Variants in GLRA2 observed in about 807,000 individuals in gnomAD.
GLRA2 encodes the protein glycine receptor subunit alpha-2.
GLRA2 carries 11 observed loss-of-function variants against 31.6 expected under a neutral mutation model. The ratio of observed to expected loss-of-function variants is 0.35; its 90% confidence interval spans 0.22 to 0.58. GLRA2 has a LOEUF of 0.58. GLRA2 is among the 20% of genes least tolerant of loss of function. The pLI is 0.84. For missense variants in GLRA2, 212 were observed against 351.8 expected, an observed-to-expected ratio of 0.60 and a Z score of 3.18; for synonymous variants, 132 against 134.0, an observed-to-expected ratio of 0.99 and a Z score of 0.10.
the GLRA2 span, among the ~76,000 whole-genome samples, chrX:14,455,439 TAAG>T: frequency 3.6e-5 from 4 of 111,830 alleles, no homozygotes; most frequent in Admixed American, 9.5e-5. Context: ...TATGGTAACT[TAAG>T]AAATTATCTG....
intron 4 of GLRA2, among the ~76,000 whole-genome samples, chrX:14,586,866 G>T (rs2090086538): frequency 1.8e-5 from 2 of 111,911 alleles, no homozygotes; most frequent in South Asian, 7.5e-4. Context: ...TTGCTTCTGA[G>T]AATTTAGTCA....
intron 2 of GLRA2, among the ~76,000 whole-genome samples, chrX:14,557,241 G>A (rs899915830): frequency 1.2e-3 from 124 of 102,192 alleles, no homozygotes; most frequent in Non-Finnish European, 2.1e-3. Context: ...TCAGCCTCCC[G>A]AGTAGCTGGG....
intron 7 of GLRA2, among the ~76,000 whole-genome samples, chrX:14,635,511 C>T (rs1002972880): frequency 4.5e-5 from 5 of 111,672 alleles, no homozygotes; most frequent in Non-Finnish European, 7.5e-5. Flanking sequence ...GTTTCTATAA[C>T]GCTTGTGTGT....
intron 8 of GLRA2, among the ~76,000 whole-genome samples, chrX:14,705,082 G>C (rs775646177): frequency 8.9e-6 from 1 of 112,166 alleles, no homozygotes; most frequent in Non-Finnish European, 1.9e-5. Context: ...AACTCATCTT[G>C]TTATTGTCAG....
intron 7 of GLRA2, among the ~76,000 whole-genome samples, chrX:14,658,033 G>T (rs1033183214): frequency 9.0e-6 from 1 of 111,574 alleles, no homozygotes; most frequent in Non-Finnish European, 1.9e-5. Flanking sequence ...TAGGCAACTT[G>T]TCCAAAGTTA....
chrX:14,508,644 T>G, the GLRA2 span, among the ~76,000 whole-genome samples: 1 of 112,017 alleles, frequency 8.9e-6, no homozygotes, highest in Admixed American at 9.5e-5. Context: ...CATGATAAAT[T>G]GTTTGAGATT....
chrX:14,622,473 T>G (rs1311722172), intron 7 of GLRA2, among the ~76,000 whole-genome samples: 1 of 112,196 alleles, frequency 8.9e-6, no homozygotes, highest in Non-Finnish European at 1.9e-5. Context: ...CTAGGTTTTC[T>G]TCTGGGGTTT....
chrX:14,596,264 C>CA (rs1207842384), intron 4 of GLRA2, among the ~76,000 whole-genome samples: 6 of 111,541 alleles, frequency 5.4e-5, no homozygotes, highest in African/African-American at 2.0e-4. Context: ...GGCCTTTGCA[C>CA]ACTGGCATGT....
the GLRA2 span, among the ~76,000 whole-genome samples, chrX:14,450,369 C>A: frequency 9.0e-6 from 1 of 111,678 alleles, no homozygotes; most frequent in Non-Finnish European, 1.9e-5. Flanking sequence ...CCTGAGGGAG[C>A]AGGGAGTGCA....
intron 7 of GLRA2, among the ~76,000 whole-genome samples, chrX:14,684,153 C>T (rs147815299): frequency 0.017 from 1,888 of 111,349 alleles, 10 homozygotes; most frequent in Admixed American, 0.033. Context: ...TCTGAGGGCT[C>T]CGTTCTGTTC....
At chrX:14,633,171 G>A (rs1311900521) in intron 7 of GLRA2, among the ~76,000 whole-genome samples, 1 of 111,733 alleles carries the variant, frequency 8.9e-6, no homozygotes, top group Non-Finnish European at 1.9e-5. Flanking sequence ...GTCAAAGAAG[G>A]GAGATTCATA....
At chrX:14,705,102 C>T (rs1216428303) in intron 8 of GLRA2, among the ~76,000 whole-genome samples, 1 of 112,047 alleles carries the variant, frequency 8.9e-6, no homozygotes, top group Non-Finnish European at 1.9e-5. Flanking sequence ...GTAAATGAAA[C>T]AGAGATTAAA....
At chrX:14,625,346 C>T (rs1427242130) in intron 7 of GLRA2, among the ~76,000 whole-genome samples, 3 of 111,375 alleles carry the variant, frequency 2.7e-5, no homozygotes, top group Non-Finnish European at 5.7e-5. Flanking sequence ...AGCCTATTTA[C>T]ATTTAAGGTT....
At chrX:14,558,638 G>T (rs2089683126) in intron 2 of GLRA2, among the ~76,000 whole-genome samples, 3 of 111,219 alleles carry the variant, frequency 2.7e-5, no homozygotes, top group African/African-American at 6.5e-5. Context: ...GGCAAATATA[G>T]AAACTTGCTG....
chrX:14,705,334 G>T (rs937897112), intron 8 of GLRA2, among the ~76,000 whole-genome samples: 2 of 111,658 alleles, frequency 1.8e-5, no homozygotes, highest in Non-Finnish European at 3.8e-5. Flanking sequence ...CACCCCAGGG[G>T]ACATTTGGCA....
chrX:14,634,991 T>C (rs1389105126), intron 7 of GLRA2, among the ~76,000 whole-genome samples: 1 of 112,107 alleles, frequency 8.9e-6, no homozygotes, highest in African/African-American at 3.2e-5. Flanking sequence ...TTAAGTGAAT[T>C]AATCTTTATG....
chrX:14,678,001 G>A (rs1351769714), intron 7 of GLRA2, among the ~76,000 whole-genome samples: 4 of 112,006 alleles, frequency 3.6e-5, no homozygotes, highest in Non-Finnish European at 7.5e-5. Flanking sequence ...AAGCATCCGT[G>A]ACCTCAACTA....
rs748814175 is a variant in GLRA2, at chrX:14,715,073, GA to G, written c.1081-15127del. Among the ~76,000 whole-genome samples the G allele has an allele frequency of 1.3e-4, 14 of 111,953 alleles. No homozygotes were observed. In the East Asian group the frequency reaches 2.8e-3, roughly 22 times the overall value. ...TTGAATTGTAAACACATACATAAAT[GA>G]AAAAAAGTCTTTATATTCTAAAATT... On this transcript the variant is annotated intron_variant, in intron 8 of 8. Transcript: ENST00000218075.
intron 7 of GLRA2, among the ~76,000 whole-genome samples, chrX:14,643,868 G>A (rs2090801339): frequency 1.8e-5 from 2 of 111,887 alleles, no homozygotes; most frequent in Admixed American, 1.9e-4. Context: ...AAAGTGGAAG[G>A]TGGGAAGTGG....
Sources: gnomAD v4.1 joint callset for allele counts (sites outside exome capture counted in the v4.1 genomes callset) on GRCh38, gnomAD v4.1.1 for gene constraint, MANE v1.5 for transcripts, NCBI Gene and HGNC (gene_info 2026-07-23, HGNC 2026-07-21) for gene names.